The following FAM186A variants were observed in gnomAD, a reference collection of about 807,000 sequenced individuals.
FAM186A encodes the protein protein FAM186A.
Under a neutral mutation model 216.8 loss-of-function variants are expected in FAM186A, and 163 were observed. The observed-to-expected ratio is 0.75, with a 90% CI of 0.66 to 0.86. The LOEUF is 0.86. Ranked by LOEUF, FAM186A falls within the 40% of genes least tolerant of loss-of-function variation. FAM186A has a pLI of 0.00. For missense variants in FAM186A, 2,184 were observed against 2,746.2 expected (o/e 0.80, Z 4.58); for synonymous variants, 805 against 1,025.3 (o/e 0.79, Z 4.10).
intron 1 of FAM186A, among the ~76,000 whole-genome samples, chr12:50,373,200 C>G (rs1338857389): frequency 1.3e-5 from 2 of 152,048 alleles, no homozygotes; most frequent in Non-Finnish European, 2.9e-5. Context: ...AATTCAAGAC[C>G]AGCCTGGCCC....
At chr12:50,346,516 C>T (rs188088866) in intron 4 of FAM186A, among the ~76,000 whole-genome samples, 287 of 152,228 alleles carry the variant, frequency 1.9e-3, no homozygotes, top group African/African-American at 4.6e-3. Flanking sequence ...CATGAGCCAC[C>T]GCACCCAGCC....
intron 4 of FAM186A, among the ~76,000 whole-genome samples, chr12:50,346,177 A>C (rs1159106800): frequency 1.2e-5 from 1 of 86,036 alleles, no homozygotes; most frequent in African/African-American, 3.9e-5. Context: ...CAAAAAAAAA[A>C]AGAAGAAAGG....
At chr12:50,327,540 CTTT>C (rs781530836) in intron 7 of FAM186A, 136 bp from the exon 8 acceptor site, 13,957 of 460,376 alleles carry the variant, frequency 0.03, no homozygotes, top group South Asian at 0.039. Flanking sequence ...GTATGTAATC[CTTT>C]TTTTTTTTTT....
chr12:50,382,707 AAAAT>A (rs1038405826), intron 1 of FAM186A, among the ~76,000 whole-genome samples: 2 of 152,000 alleles, frequency 1.3e-5, no homozygotes, highest in African/African-American at 4.8e-5. Context: ...CTCAAAAAAT[AAAAT>A]AAATAAATAA....
In FAM186A at chr12:50,350,410, A is replaced by G. The variant is rs1414080072; in HGVS notation, c.6422T>C (p.Ile2141Thr). 3.2e-6 allele frequency: 5 copies of G among 1,551,510 alleles called. No homozygotes were observed. Among genetic ancestry groups the G allele is most frequent in the Non-Finnish European group, 4.4e-6 (5 of 1,146,964 alleles). Residue 2141 changes from isoleucine to threonine, a missense_variant, in exon 4 of 8, where the codon ATT (isoleucine) becomes ACT (threonine). Coordinates refer to ENST00000327337, the MANE Select transcript of FAM186A (RefSeq NM_001145475.3). ...QLHTMARTLI[I>T]EILHMDTVQL... ...AACTGTGTCCATATGAAGTATCTCAATTATGAGAGTCCTAGCCATTGTGTG... is the reference window on the plus strand; with the variant it reads ...AACTGTGTCCATATGAAGTATCTCAGTTATGAGAGTCCTAGCCATTGTGTG...
chr12:50,385,155 C>T (rs951893146), intron 1 of FAM186A, among the ~76,000 whole-genome samples: 2 of 149,860 alleles, frequency 1.3e-5, no homozygotes, highest in African/African-American at 2.4e-5. Flanking sequence ...CGTGGTGGCT[C>T]ATGCCTGTAA....
Position 50,353,417 on chromosome 12 carries a change from G to T in FAM186A, c.3415C>A (p.Gln1139Lys). 2 of 1,532,214 alleles carry T rather than the reference G, an allele frequency of 1.3e-6. No homozygotes were observed. Among genetic ancestry groups the T allele is most frequent in the Non-Finnish European group, 1.8e-6 (2 of 1,137,818 alleles). The allele number at this position is 1,532,214 out of a possible 1,614,324, so 94.9% of individuals were successfully genotyped here. A position where few individuals can be genotyped will look rare whatever the true frequency, so the allele number is the denominator to read the frequency against. ...AGAGTGATCCCTTGAACCTGGGTCT[G>T]CTGAGGGGTGAGAGGGATCCCCAGG... ...QALGIPLTPQ[Q>K]TQVQGITLTP... is the part of the protein sequence containing the mutation. Residue 1139 changes from glutamine (Q) to lysine (K), a missense_variant, in exon 4 of 8, where the codon CAG becomes AAG. Physicochemically the swap from Gln to Lys is moderately conservative, Grantham distance 53. Transcript: ENST00000327337.
chr12:50,332,523 C>T (rs116666982), intron 5 of FAM186A, among the ~76,000 whole-genome samples: 2,713 of 152,288 alleles, frequency 0.018, 82 homozygotes, highest in African/African-American at 0.061. Flanking sequence ...TTCTCCAAGC[C>T]TTGATACCCA....
chr12:50,368,778 GC>G (rs1212267388), intron 1 of FAM186A, among the ~76,000 whole-genome samples: 1 of 151,900 alleles, frequency 6.6e-6, no homozygotes, highest in Non-Finnish European at 1.5e-5. Context: ...TTATTCCAAA[GC>G]TACATTAATC....
In FAM186A at chr12:50,378,608, T is replaced by C. The variant is rs1183725054; in HGVS notation, c.193-15244A>G. On this transcript the variant is annotated intron_variant, in intron 1 of 7. Transcript: ENST00000327337. ...TAAATTGTATATATATATATACACATATGTAAATTGTATATATATATATAT... is the reference window on the plus strand; with the variant it reads ...TAAATTGTATATATATATATACACACATGTAAATTGTATATATATATATAT... 3.0e-3 allele frequency among the ~76,000 whole-genome samples: 17 copies of C among 5,684 alleles called. No individual in the cohort carries two copies. In the Admixed American group the frequency reaches 0.052, roughly 17 times the overall value. 3.7% of individuals were successfully genotyped at this position (5,684 alleles called of 152,430 possible).
intron 1 of FAM186A, among the ~76,000 whole-genome samples, chr12:50,388,626 A>C (rs1051828446): frequency 1.3e-5 from 2 of 152,016 alleles, no homozygotes; most frequent in African/African-American, 2.4e-5. Context: ...TCTCAAAAAA[A>C]AAAAAAAAAG....
At chr12:50,389,358 G>C (rs1228149499) in intron 1 of FAM186A, among the ~76,000 whole-genome samples, 5 of 151,994 alleles carry the variant, frequency 3.3e-5, no homozygotes, top group African/African-American at 1.2e-4. Context: ...AAATTAGCCG[G>C]GCATGGTGGT....
In FAM186A at chr12:50,351,688, AATGGTCT is replaced by A. The variant is rs778302643; in HGVS notation, c.5137_5143del (p.Arg1713PhefsTer64). ...GGGGAGAGAAGCCTTCGATTTCTGA[AATGGTCT>A]ATGGGACCACTGGACTTGCTTAAGG... On this transcript the variant is annotated frameshift_variant, in exon 4 of 8. Coordinates refer to ENST00000327337, the MANE Select transcript of FAM186A (RefSeq NM_001145475.3). LOFTEE classifies it high-confidence loss of function. The A allele has an allele frequency of 1.7e-5, 27 of 1,551,598 alleles. No individual in the cohort carries two copies. The African/African-American group carries it at 3.6e-4, about 20-fold the overall frequency.
intron 1 of FAM186A, among the ~76,000 whole-genome samples, chr12:50,378,546 T>G (rs1048503195): frequency 2.2e-5 from 2 of 90,032 alleles, no homozygotes; most frequent in African/African-American, 6.5e-5. Flanking sequence ...TATATATACA[T>G]ATATGTAAAT....
chr12:50,375,472 C>A (rs1443639325), intron 1 of FAM186A, among the ~76,000 whole-genome samples: 1 of 151,604 alleles, frequency 6.6e-6, no homozygotes, highest in African/African-American at 2.4e-5. Flanking sequence ...TTGCTTGAAC[C>A]CGGGAGGCAG....
At chr12:50,338,049 C>T (rs1286071891) in intron 4 of FAM186A, among the ~76,000 whole-genome samples, 1 of 152,108 alleles carries the variant, frequency 6.6e-6, no homozygotes, top group Admixed American at 6.6e-5. Flanking sequence ...ATCCCACTTA[C>T]GTTGATAAAA....
rs7964439 is a variant in FAM186A, at chr12:50,356,257, C to A, written c.584-9G>T. On this transcript the variant is annotated splice_polypyrimidine_tract_variant and intron_variant, in intron 3 of 7. Transcript: ENST00000327337. Reference sequence around the variant, plus strand: ...TAGAGTACCTCTAGATACTGAAGAACAAAACATAAAACAGTGAGATGGCAT... The same window carrying A: ...TAGAGTACCTCTAGATACTGAAGAAAAAAACATAAAACAGTGAGATGGCAT... 0.99 allele frequency: 1,496,750 copies of A among 1,509,052 alleles called. 742,975 individuals carry two copies. The highest frequency in any genetic ancestry group is 1 in the East Asian group (40,575 of 40,578). 93.5% of individuals were successfully genotyped at this position (1,509,052 alleles called of 1,614,324 possible). A position where few individuals can be genotyped will look rare whatever the true frequency, so the allele number is the denominator to read the frequency against.
At chr12:50,368,327 G>T (rs1463747804) in intron 1 of FAM186A, among the ~76,000 whole-genome samples, 1 of 151,908 alleles carries the variant, frequency 6.6e-6, no homozygotes, top group Admixed American at 6.6e-5. Flanking sequence ...CTTCACCCGG[G>T]AGGTGGATCC....
At chr12:50,344,675 G>A (rs186404608) in intron 4 of FAM186A, among the ~76,000 whole-genome samples, 19 of 152,166 alleles carry the variant, frequency 1.2e-4, no homozygotes, top group Admixed American at 2.6e-4. Context: ...TAAGTTCTTC[G>A]AGAAATCTCA....
Sources: allele counts gnomAD v4.1 joint callset (sites outside exome capture counted in the v4.1 genomes callset), GRCh38; gene constraint gnomAD v4.1.1; transcripts MANE v1.5; gene names NCBI Gene and HGNC (gene_info 2026-07-23, HGNC 2026-07-21).